Variants in ADIPOR2 observed in about 807,000 individuals in gnomAD.
ADIPOR2 encodes the protein adiponectin receptor 2.
A neutral mutation model predicts 40.9 loss-of-function variants in ADIPOR2; 18 were observed. That is an observed-to-expected ratio of 0.44 (90% CI 0.30 to 0.65). The LOEUF (loss-of-function observed/expected upper bound fraction) is 0.65, where lower values mean the gene tolerates loss of function less well. Among genes scored for constraint, ADIPOR2 ranks in the 30% least tolerant of loss-of-function variants. The probability of loss-of-function intolerance (pLI) is 0.09; values close to 1 mark genes in which losing one functional copy is unlikely to be tolerated. For synonymous variants in ADIPOR2, 165 were observed against 166.4 expected (o/e 0.99, Z 0.06); for missense variants, 283 against 479.2 (o/e 0.59, Z 3.82).
At chr12:1,706,938 C>G (rs2094664429) in intron 1 of ADIPOR2, among the ~76,000 whole-genome samples, 1 of 152,066 alleles carries the variant, frequency 6.6e-6, no homozygotes, top group Non-Finnish European at 1.5e-5. Context: ...TGCAGTGGGC[C>G]AGGATCACAC....
intron 2 of ADIPOR2, chr12:1,757,648 A>G: frequency 2.3e-6 from 3 of 1,301,002 alleles, no homozygotes; most frequent in Non-Finnish European, 2.2e-6. Context: ...GATTTTTCTC[A>G]CTTTGTATTT....
chr12:1,729,374 C>A (rs1175138956), intron 1 of ADIPOR2, among the ~76,000 whole-genome samples: 1 of 151,830 alleles, frequency 6.6e-6, no homozygotes, highest in Non-Finnish European at 1.5e-5. Flanking sequence ...TATTAGGGAG[C>A]CTTCTGCTTC....
intron 2 of ADIPOR2, chr12:1,757,667 C>G (rs1204911423): frequency 2.3e-6 from 3 of 1,297,904 alleles, no homozygotes; most frequent in East Asian, 2.3e-5. Flanking sequence ...TTGGCCTCCT[C>G]AGGTGTAATA....
chr12:1,758,875 T>C (rs1037993714), intron 2 of ADIPOR2, among the ~76,000 whole-genome samples: 1 of 152,228 alleles, frequency 6.6e-6, no homozygotes, highest in African/African-American at 2.4e-5. Context: ...AAAACTATAC[T>C]CTGAAATAGA....
intron 1 of ADIPOR2, among the ~76,000 whole-genome samples, chr12:1,707,929 G>A (rs1270498950): frequency 6.6e-6 from 1 of 152,026 alleles, no homozygotes; most frequent in African/African-American, 2.4e-5. Flanking sequence ...TATATGTTGT[G>A]GATACAAGTA....
intron 1 of ADIPOR2, among the ~76,000 whole-genome samples, chr12:1,753,843 A>G (rs547333821): frequency 9.4e-5 from 14 of 149,236 alleles, no homozygotes; most frequent in African/African-American, 3.5e-4. Flanking sequence ...TTCTAATTGT[A>G]TACTATTTTT....
At chr12:1,749,575 G>A (rs11061967) in intron 1 of ADIPOR2, among the ~76,000 whole-genome samples, 19,137 of 152,234 alleles carry the variant, frequency 0.13, 1,562 homozygotes, top group East Asian at 0.26. Flanking sequence ...TACTCTATGT[G>A]TGTATTCTTT....
intron 1 of ADIPOR2, among the ~76,000 whole-genome samples, chr12:1,701,876 C>A (rs1281799118): frequency 6.6e-6 from 1 of 152,154 alleles, no homozygotes; most frequent in Non-Finnish European, 1.5e-5. Context: ...AATATCAGCA[C>A]TTTGGGAGGC....
intron 1 of ADIPOR2, chr12:1,697,330 C>T (rs547005486): frequency 1.3e-5 from 2 of 152,436 alleles, no homozygotes; most frequent in East Asian, 3.9e-4. Context: ...TGACATACTG[C>T]ACTTGTAGGT....
rs1388638462 is a variant in ADIPOR2 at position 1,780,791 on chromosome 12, G to A, written c.651-98G>A. ...GAGCAACCCAGTTTGGCTCTTAGGTGTCGTTGATGGCTTATGTCATGAGGG... is the reference window on the plus strand; with the variant it reads ...GAGCAACCCAGTTTGGCTCTTAGGTATCGTTGATGGCTTATGTCATGAGGG... On this transcript the variant is annotated intron_variant, in intron 5 of 7. Coordinates refer to ENST00000357103, the MANE Select transcript of ADIPOR2 (RefSeq NM_024551.3). 6 of 1,375,980 alleles carry A rather than the reference G, an allele frequency of 4.4e-6. No homozygotes were observed. In the Admixed American group the frequency reaches 1.3e-4, roughly 30 times the overall value. The allele number at this position is 1,375,980 out of a possible 1,614,324, so 85.2% of individuals were successfully genotyped here. A position where few individuals can be genotyped will look rare whatever the true frequency, so the allele number is the denominator to read the frequency against.
rs12318550 is a variant in ADIPOR2, at chr12:1,705,386, A to G, written c.-87+14195A>G. Among the ~76,000 whole-genome samples, 644 of 152,278 alleles carry G rather than the reference A, an allele frequency of 4.2e-3. 6 individuals carry two copies. Among genetic ancestry groups the G allele is most frequent in the African/African-American group, 0.015 (611 of 41,562 alleles). On this transcript the variant is annotated intron_variant, in intron 1 of 7. Transcript: ENST00000357103. ...TTTTATGTACAGATTGAGCATCTCT[A>G]ATCCAAAAATCTGAAATCTAAAATG...
chr12:1,743,233 A>AAAAAAAC (rs1232871457), intron 1 of ADIPOR2, among the ~76,000 whole-genome samples: 5 of 127,292 alleles, frequency 3.9e-5, no homozygotes, highest in South Asian at 5.3e-4. Flanking sequence ...CTCTACCAAA[A>AAAAAAAC]AAAAAAAAAA....
In ADIPOR2 at chr12:1,777,996, A is replaced by T. The variant is rs1862635014; in HGVS notation, c.434A>T (p.Glu145Val). The T allele has an allele frequency of 6.2e-7, 1 of 1,613,970 alleles. No homozygotes were observed. The highest frequency in any genetic ancestry group is 8.5e-7 in the Non-Finnish European group (1 of 1,179,978). ...CFKSIFRIHT[E>V]TGNIWTHLLG... ...AAGAGCATTTTCAGAATACACACAG[A>T]AACAGGCAACATTTGGACACATCTC... The change falls in exon 4 of 8, where the codon GAA (glutamate) becomes GTA (valine). Residue 145 changes from glutamate (E) to valine (V), a missense_variant. Glu to Val is a moderately radical substitution (Grantham distance 121, BLOSUM62 -2). Transcript: ENST00000357103.
intron 1 of ADIPOR2, among the ~76,000 whole-genome samples, chr12:1,715,855 ACCCTGTAAAATGGACCAATCAGTG>A (rs1217923493): frequency 2.6e-5 from 4 of 152,120 alleles, no homozygotes; most frequent in African/African-American, 4.8e-5. Context: ...ACCAGTCAGC[ACCCTGTAAAATGGACCAATCAGTG>A]CCCTGTAAAA....
chr12:1,703,360 A>G (rs890299598), intron 1 of ADIPOR2, among the ~76,000 whole-genome samples: 1 of 152,332 alleles, frequency 6.6e-6, no homozygotes, highest in South Asian at 2.1e-4. Flanking sequence ...AAAATATATA[A>G]TAGTTGCCAC....
chr12:1,765,578 T>G (rs1862359149), intron 2 of ADIPOR2, among the ~76,000 whole-genome samples: 1 of 152,232 alleles, frequency 6.6e-6, no homozygotes, highest in African/African-American at 2.4e-5. Flanking sequence ...ACTCTGTCCT[T>G]CCTTTATAAT....
intron 1 of ADIPOR2, among the ~76,000 whole-genome samples, chr12:1,743,241 A>AAAAC (rs1184008263): frequency 1.6e-5 from 2 of 121,902 alleles, no homozygotes; most frequent in Non-Finnish European, 3.4e-5. Context: ...AAAAAAAAAA[A>AAAAC]AAAAACAAAG....
chr12:1,733,660 GGTTT>G (rs1192647710), intron 1 of ADIPOR2, among the ~76,000 whole-genome samples: 1 of 151,938 alleles, frequency 6.6e-6, no homozygotes, highest in African/African-American at 2.4e-5. Context: ...ACAACATGCA[GGTTT>G]GTTACATATG....
At chr12:1,716,106 T>G (rs1441752833) in intron 1 of ADIPOR2, among the ~76,000 whole-genome samples, 1 of 152,184 alleles carries the variant, frequency 6.6e-6, no homozygotes, top group Non-Finnish European at 1.5e-5. Flanking sequence ...ATTCTTGAAG[T>G]CAGCGAGTCC....
Sources: allele counts gnomAD v4.1 joint callset (sites outside exome capture counted in the v4.1 genomes callset), GRCh38; gene constraint gnomAD v4.1.1; transcripts MANE v1.5; gene names NCBI Gene and HGNC (gene_info 2026-07-23, HGNC 2026-07-21).